The following KAZN variants were observed in gnomAD, a reference collection of about 807,000 sequenced individuals.
The protein encoded by KAZN is kazrin, periplakin interacting protein.
A neutral mutation model predicts 87.4 loss-of-function variants in KAZN; 40 were observed. The ratio of observed to expected loss-of-function variants is 0.46; its 90% CI spans 0.36 to 0.60. The LOEUF (loss-of-function observed/expected upper bound fraction) is 0.60. KAZN is among the 20% of genes least tolerant of loss of function. KAZN has a pLI of 0.00. For synonymous variants in KAZN, 466 were observed against 458.3 expected (o/e 1.02, Z -0.22); for missense variants, 898 against 1,073.9 (o/e 0.84, Z 2.29).
chr1:14,651,696 T>C (rs138320338), intron 1 of KAZN, among the ~76,000 whole-genome samples: 1 of 152,132 alleles, frequency 6.6e-6, no homozygotes, highest in Non-Finnish European at 1.5e-5. Context: ...GGGGCTTTTT[T>C]CCCCCCACGA....
chr1:14,783,561 G>C (rs897751890), intron 1 of KAZN, among the ~76,000 whole-genome samples: 8 of 152,294 alleles, frequency 5.3e-5, no homozygotes, highest in Middle Eastern at 3.4e-3. Flanking sequence ...GAGGTGAAAA[G>C]ATATGCTCTC....
intron 1 of KAZN, among the ~76,000 whole-genome samples, chr1:13,935,433 A>G (rs1056707819): frequency 2.0e-5 from 3 of 152,202 alleles, no homozygotes; most frequent in African/African-American, 7.2e-5. Flanking sequence ...AACCCACTCA[A>G]TCTGGCAACA....
At chr1:14,237,872 T>G (rs1249677926) in intron 2 of KAZN, among the ~76,000 whole-genome samples, 1 of 152,202 alleles carries the variant, frequency 6.6e-6, no homozygotes, top group Non-Finnish European at 1.5e-5. Context: ...ATGCAGGCTG[T>G]GTGTCTCTGG....
chr1:14,003,484 T>C (rs1190781627), intron 1 of KAZN, among the ~76,000 whole-genome samples: 1 of 151,930 alleles, frequency 6.6e-6, no homozygotes, highest in Non-Finnish European at 1.5e-5. Flanking sequence ...TAGATACCAA[T>C]TCCTATTTAA....
chr1:14,895,323 C>G (rs1259675281), intron 1 of KAZN, among the ~76,000 whole-genome samples: 1 of 152,246 alleles, frequency 6.6e-6, no homozygotes, highest in Non-Finnish European at 1.5e-5. Context: ...ACTCTGCCAG[C>G]CAGGAAACGC....
chr1:14,290,806 C>A (rs1177345057), intron 2 of KAZN, among the ~76,000 whole-genome samples: 1 of 152,196 alleles, frequency 6.6e-6, no homozygotes, highest in East Asian at 1.9e-4. Context: ...TTCTCCCCAT[C>A]TTTGTGGTTT....
At chr1:14,235,186 AAT>A (rs1287122580) in intron 2 of KAZN, among the ~76,000 whole-genome samples, 1 of 152,134 alleles carries the variant, frequency 6.6e-6, no homozygotes, top group African/African-American at 2.4e-5. Flanking sequence ...GACACAATGA[AAT>A]ATTATTCATC....
At position 13,950,470 on chromosome 1, in the gene KAZN, T is replaced by C. The variant is rs114453462; in HGVS notation, c.91+56714T>C. Among the ~76,000 whole-genome samples, 704 of 152,334 alleles carry C rather than the reference T, an allele frequency of 4.6e-3. 4 individuals are homozygous for C. Among genetic ancestry groups the C allele is most frequent in the Admixed American group, 7.5e-3 (115 of 15,302 alleles). Reference sequence around the variant, plus strand: ...AGCGTTCAGTGTACTGCCTGGCAAATAGTTCATGTTCAAAATATTTTTTGA... The same window carrying C: ...AGCGTTCAGTGTACTGCCTGGCAAACAGTTCATGTTCAAAATATTTTTTGA... On this transcript the variant is annotated intron_variant, in intron 1 of 16. Transcript: ENST00000636203.
chr1:14,179,691 A>G (rs1398023738), intron 1 of KAZN, among the ~76,000 whole-genome samples: 1 of 152,236 alleles, frequency 6.6e-6, no homozygotes, highest in Non-Finnish European at 1.5e-5. Flanking sequence ...CAGAGATGTA[A>G]GGAATTAATT....
chr1:14,427,640 T>TTA (rs1491262554), intron 2 of KAZN, among the ~76,000 whole-genome samples: 1 of 49,132 alleles, frequency 2.0e-5, no homozygotes, highest in Non-Finnish European at 4.7e-5. Context: ...TGTGCACACA[T>TTA]GTTAGTAAAA....
At chr1:14,778,333 G>A (rs1279397571) in intron 1 of KAZN, among the ~76,000 whole-genome samples, 3 of 150,304 alleles carry the variant, frequency 2.0e-5, no homozygotes, top group Non-Finnish European at 1.5e-5. Flanking sequence ...TGTCAAAACC[G>A]CAAAAGGAAG....
intron 1 of KAZN, among the ~76,000 whole-genome samples, chr1:14,635,401 A>T (rs1679888936): frequency 6.6e-6 from 1 of 152,178 alleles, no homozygotes; most frequent in Non-Finnish European, 1.5e-5. Context: ...GTCTCCAGAC[A>T]TTGCTGTGTG....
At chr1:14,265,476 T>TA (rs1456303356) in intron 2 of KAZN, among the ~76,000 whole-genome samples, 1 of 152,126 alleles carries the variant, frequency 6.6e-6, no homozygotes, top group African/African-American at 2.4e-5. Context: ...GCAGCAATGA[T>TA]AAAAATGGGA....
chr1:14,036,338 G>C (rs1641557737), intron 1 of KAZN, among the ~76,000 whole-genome samples: 1 of 152,156 alleles, frequency 6.6e-6, no homozygotes, highest in Non-Finnish European at 1.5e-5. Context: ...TGGCTGTTCA[G>C]GCTTCGTTTA....
intron 1 of KAZN, chr1:14,924,090 C>T: frequency 3.1e-6 from 3 of 976,604 alleles, no homozygotes; most frequent in Non-Finnish European, 3.6e-6. Flanking sequence ...TCGGCAGTCG[C>T]CAGCCCGGAA....
At position 14,088,297 on chromosome 1, in the gene KAZN, A is replaced by T. The variant is rs554510133; in HGVS notation, c.92-92138A>T. Among the ~76,000 whole-genome samples the T allele has an allele frequency of 7.2e-5, 11 of 151,942 alleles. No individual in the cohort carries two copies. In the East Asian group the frequency reaches 1.5e-3, roughly 21 times the overall value. ...TACTATAAATTTCCCTGTAAGCATT[A>T]CTTCAGCTATACCTCACAAATTTGG... On this transcript the variant is annotated intron_variant, in intron 1 of 16. Transcript: ENST00000636203.
At chr1:14,392,197 G>A (rs558967088) in intron 2 of KAZN, among the ~76,000 whole-genome samples, 1 of 152,286 alleles carries the variant, frequency 6.6e-6, no homozygotes, top group East Asian at 1.9e-4. Flanking sequence ...GGCTTCCAGA[G>A]AAGACCACAA....
At chr1:14,463,814 CAG>C (rs1030870310) in intron 2 of KAZN, among the ~76,000 whole-genome samples, 3 of 152,044 alleles carry the variant, frequency 2.0e-5, no homozygotes, top group Non-Finnish European at 4.4e-5. Flanking sequence ...AGAAATAAAA[CAG>C]AAAAAAGTCC....
intron 2 of KAZN, among the ~76,000 whole-genome samples, chr1:14,197,965 CAT>C (rs1395849280): frequency 3.9e-5 from 6 of 152,144 alleles, no homozygotes; most frequent in Non-Finnish European, 7.3e-5. Flanking sequence ...TGAATAAAGA[CAT>C]GTGTCCTCAG....
Sources: gnomAD v4.1 joint callset for allele counts (sites outside exome capture counted in the v4.1 genomes callset) on GRCh38, gnomAD v4.1.1 for gene constraint, MANE v1.5 for transcripts, NCBI Gene and HGNC (gene_info 2026-07-23, HGNC 2026-07-21) for gene names.